CEP41: variants seen among roughly 807,000 people sequenced by gnomAD.
The protein encoded by CEP41 is centrosomal protein 41.
A neutral mutation model predicts 44.3 loss-of-function variants in CEP41; 32 were observed. The observed-to-expected ratio is 0.72, with a 90% CI of 0.54 to 0.97. The LOEUF (loss-of-function observed/expected upper bound fraction) is 0.97, where lower values mean the gene tolerates loss of function less well. Among genes scored for constraint, CEP41 ranks in the 50% least tolerant of loss-of-function variants. The probability of loss-of-function intolerance (pLI) is 0.00; values close to 1 mark genes in which losing one functional copy is unlikely to be tolerated. For missense variants in CEP41, 432 were observed against 455.2 expected (o/e 0.95, Z 0.46); for synonymous variants, 151 against 168.5 (o/e 0.90, Z 0.80).
At chr7:130,403,098 C>G (rs1452266813) in intron 6 of CEP41, among the ~76,000 whole-genome samples, 1 of 152,156 alleles carries the variant, frequency 6.6e-6, no homozygotes, top group Non-Finnish European at 1.5e-5. Context: ...CATGCTGCCT[C>G]TAGCCACAAG....
Position 130,411,167 on chromosome 7 carries a change from C to T in CEP41, c.232G>A (p.Asp78Asn). ...QLIIQVASLS[D>N]QTLEVTAEEI... ...TCAGCTGTCACTTCCAGTGTTTGAT[C>T]AGAGAGGGAAGCAACTTGGATGATC... Residue 78 changes from aspartate to asparagine, a missense_variant, in exon 5 of 11, where the codon GAT becomes AAT. Transcript: ENST00000223208. 1 of 1,613,994 alleles carries T rather than the reference C, an allele frequency of 6.2e-7. No individual in the cohort carries two copies. The highest frequency in any genetic ancestry group is 8.5e-7 in the Non-Finnish European group (1 of 1,179,918).
chr7:130,419,376 A>G, intron 2 of CEP41: 1 of 985,382 alleles, frequency 1.0e-6, no homozygotes, highest in Non-Finnish European at 1.2e-6. Context: ...AAAGTATGAA[A>G]AGTAGCATTT....
chr7:130,410,408 T>C (rs1554419307), intron 5 of CEP41, among the ~76,000 whole-genome samples: 2 of 152,112 alleles, frequency 1.3e-5, no homozygotes, highest in African/African-American at 4.8e-5. Context: ...ATCCTGCATC[T>C]TTCCTGAAGG....
chr7:130,419,460 A>AC, intron 2 of CEP41: 1 of 985,012 alleles, frequency 1.0e-6, no homozygotes, highest in Non-Finnish European at 1.2e-6. Context: ...ATCTGAAGAT[A>AC]GTTTCTGACT....
intron 8 of CEP41, among the ~76,000 whole-genome samples, chr7:130,401,561 AG>A (rs1422640092): frequency 2.0e-5 from 3 of 152,148 alleles, no homozygotes; most frequent in Admixed American, 2.0e-4. Flanking sequence ...AAAATTTTAA[AG>A]GAAAAAATTA....
At chr7:130,433,081 T>C (rs1224344142) in intron 1 of CEP41, among the ~76,000 whole-genome samples, 4 of 152,130 alleles carry the variant, frequency 2.6e-5, no homozygotes, top group Admixed American at 2.6e-4. Flanking sequence ...AGGTCAAGTA[T>C]GAACAAGTGA....
chr7:130,432,785 A>T (rs1797861515), intron 1 of CEP41, among the ~76,000 whole-genome samples: 1 of 152,026 alleles, frequency 6.6e-6, no homozygotes, highest in African/African-American at 2.4e-5. Context: ...AACGAAATGG[A>T]AGTACCTAGT....
At chr7:130,411,814 C>T (rs1436750383) in intron 4 of CEP41, among the ~76,000 whole-genome samples, 1 of 151,922 alleles carries the variant, frequency 6.6e-6, no homozygotes, top group African/African-American at 2.4e-5. Flanking sequence ...AAAGATCAGT[C>T]CAAGAAAAGG....
chr7:130,410,748 G>A (rs548325145), intron 5 of CEP41: 137 of 302,724 alleles, frequency 4.5e-4, no homozygotes, highest in African/African-American at 2.7e-3. Flanking sequence ...ACACATACAT[G>A]TGTGCACATG....
At chr7:130,440,774 C>G (rs1437717646) in intron 1 of CEP41, 160 bp downstream of exon 1, 1 of 687,624 alleles carries the variant, frequency 1.5e-6, no homozygotes, top group South Asian at 1.6e-5. Context: ...CCGCGGCCCC[C>G]AAGCCCGGCC....
rs1796797176 is a variant in CEP41, at chr7:130,400,104, G to A, written c.908C>T (p.Thr303Ile). 6 of 1,613,444 alleles carry A rather than the reference G, an allele frequency of 3.7e-6. No homozygotes were observed. Among genetic ancestry groups the A allele is most frequent in the Non-Finnish European group, 5.1e-6 (6 of 1,179,792 alleles). Residue 303 changes from threonine (T) to isoleucine (I), a missense_variant, in exon 10 of 11, where the codon ACC (threonine) becomes ATC (isoleucine). Thr to Ile is a moderately conservative substitution (Grantham distance 89). Transcript: ENST00000223208. ...PLPAENKWRF[T>I]PEDLKKIEYY... ...TTCTATCTTTTTTAAGTCTTCTGGG[G>A]TAAATCTCCATTTATTCTCAGCTGG...
chr7:130,421,933 G>T (rs782370450), intron 2 of CEP41: 1 of 1,535,430 alleles, frequency 6.5e-7, no homozygotes, highest in Non-Finnish European at 8.7e-7. Context: ...CGCAGCCAGG[G>T]ATTTCATCAG....
chr7:130,421,018 T>C (rs1554422084), intron 2 of CEP41: 1 of 974,228 alleles, frequency 1.0e-6, no homozygotes, highest in African/African-American at 1.8e-5. Context: ...TATAAATGTA[T>C]AAGGTAGCAT....
chr7:130,419,713 T>C, intron 2 of CEP41: 1 of 985,364 alleles, frequency 1.0e-6, no homozygotes, highest in Non-Finnish European at 1.2e-6. Flanking sequence ...GCTCTAGCAC[T>C]GGACACCAAC....
chr7:130,399,407 G>A (rs1453893216), intron 10 of CEP41: 2 of 287,348 alleles, frequency 7.0e-6, no homozygotes, highest in Non-Finnish European at 1.3e-5. Flanking sequence ...AAACCACAGA[G>A]GCTCTCAGAG....
In CEP41 at chr7:130,398,190, G is replaced by GTGAA. The variant is rs1554415667; in HGVS notation, c.*697_*700dup. ...CCCATGAGAGGCCCTCCTCCCCGGTGTGAAGACACCCACATGCATACCTTT... is the reference window on the plus strand; with the variant it reads ...CCCATGAGAGGCCCTCCTCCCCGGTGTGAATGAAGACACCCACATGCATACCTTT... On this transcript the variant is annotated 3_prime_UTR_variant, in exon 11 of 11. Coordinates refer to ENST00000223208, the MANE Select transcript of CEP41 (RefSeq NM_018718.3). The GTGAA allele has an allele frequency of 2.2e-6, 1 of 453,802 alleles. No homozygotes were observed. The highest frequency in any genetic ancestry group is 4.4e-6 in the Non-Finnish European group (1 of 226,568). 28.1% of individuals were successfully genotyped at this position (453,802 alleles called of 1,614,324 possible).
Position 130,400,712 on chromosome 7 carries a change from G to C in CEP41, c.752C>G (p.Ser251Cys). Residue 251 changes from serine (S) to cysteine (C), a missense_variant, in exon 9 of 11, where the codon TCC (serine) becomes TGC (cysteine). By Grantham distance (112) the Ser-to-Cys change is moderately radical. Coordinates refer to ENST00000223208, the MANE Select transcript of CEP41 (RefSeq NM_018718.3). ...ERGFENLFML[S>C]GGLKVLAQKF... ...CAGAGTATCACCTTGCTCACCTCCG[G>C]AAAGCATGAAGAGGTTTTCAAATCC... 1 of 1,607,462 alleles carries C rather than the reference G, an allele frequency of 6.2e-7. No individual in the cohort carries two copies. The highest frequency in any genetic ancestry group is 8.5e-7 in the Non-Finnish European group (1 of 1,174,914).
intron 1 of CEP41, among the ~76,000 whole-genome samples, chr7:130,429,508 T>G (rs73152882): frequency 0.021 from 3,170 of 152,304 alleles, 38 homozygotes; most frequent in Non-Finnish European, 0.031. Context: ...GGCCTGCAGG[T>G]ATGAAAGTCC....
intron 1 of CEP41, among the ~76,000 whole-genome samples, chr7:130,434,349 T>C (rs1002522675): frequency 6.6e-6 from 1 of 152,012 alleles, no homozygotes; most frequent in Non-Finnish European, 1.5e-5. Flanking sequence ...AGTAAATATA[T>C]TTTTTTTAAA....
Sources: gnomAD v4.1 joint callset for allele counts (sites outside exome capture counted in the v4.1 genomes callset) on GRCh38, gnomAD v4.1.1 for gene constraint, MANE v1.5 for transcripts, NCBI Gene and HGNC (gene_info 2026-07-23, HGNC 2026-07-21) for gene names.